PPFIA2: variants seen among roughly 807,000 people sequenced by gnomAD.
The protein encoded by PPFIA2 is PPFI scaffold protein A2, also known as liprin-alpha-2.
Under a neutral mutation model 175.5 loss-of-function variants are expected in PPFIA2, and 46 were observed. The ratio of observed to expected loss-of-function variants is 0.26; its 90% CI spans 0.21 to 0.34. The LOEUF (loss-of-function observed/expected upper bound fraction) is 0.34. Among genes scored for constraint, PPFIA2 ranks in the 10% least tolerant of loss-of-function variants. PPFIA2 has a pLI of 1.00. For synonymous variants in PPFIA2, 568 were observed against 511.4 expected (o/e 1.11, Z -1.49); for missense variants, 1,179 against 1,506.1 (o/e 0.78, Z 3.60).
chr12:81,365,528 C>T (rs532245399), intron 14 of PPFIA2, among the ~76,000 whole-genome samples: 1 of 151,792 alleles, frequency 6.6e-6, no homozygotes, highest in South Asian at 2.1e-4. Flanking sequence ...GATAACATAA[C>T]ATGCATAACA....
chr12:81,417,532 T>C (rs762822853), intron 7 of PPFIA2, among the ~76,000 whole-genome samples: 15 of 151,598 alleles, frequency 9.9e-5, no homozygotes, highest in Non-Finnish European at 1.8e-4. Flanking sequence ...TAATCAATCT[T>C]GCATATAACA....
chr12:81,605,683 CTA>C lies in PPFIA2; in HGVS notation c.303+71106_303+71107del, dbSNP rs1555519897. ...TCTATCTATCTATCTATCTATCTATCTATCTATCTAATCTGTCTATAATTTCT... is the reference window on the plus strand; with the variant it reads ...TCTATCTATCTATCTATCTATCTATCTCTATCTAATCTGTCTATAATTTCT... On this transcript the variant is annotated intron_variant, in intron 4 of 32. Coordinates refer to ENST00000549396, the MANE Select transcript of PPFIA2 (RefSeq NM_003625.5). 7.0e-3 allele frequency among the ~76,000 whole-genome samples: 1,051 copies of C among 151,212 alleles called. 12 individuals carry two copies. The highest frequency in any genetic ancestry group is 0.024 in the African/African-American group (982 of 41,382).
intron 4 of PPFIA2, among the ~76,000 whole-genome samples, chr12:81,599,256 A>G (rs2059559606): frequency 6.6e-6 from 1 of 151,974 alleles, no homozygotes; most frequent in African/African-American, 2.4e-5. Context: ...ACATAATAAA[A>G]ACCACCTACT....
intron 4 of PPFIA2, among the ~76,000 whole-genome samples, chr12:81,581,460 G>A (rs997185843): frequency 4.0e-5 from 6 of 151,572 alleles, no homozygotes; most frequent in Non-Finnish European, 7.4e-5. Flanking sequence ...AGGACTTTAC[G>A]CGCAGGTCCT....
At chr12:81,287,988 C>A (rs2043909895) in intron 24 of PPFIA2, among the ~76,000 whole-genome samples, 1 of 151,784 alleles carries the variant, frequency 6.6e-6, no homozygotes, top group African/African-American at 2.4e-5. Flanking sequence ...AATGTGCGAG[C>A]TAGAAAATGC....
intron 4 of PPFIA2, 22 bp from the exon 5 acceptor site, chr12:81,457,888 T>G: frequency 1.4e-6 from 2 of 1,473,518 alleles, no homozygotes; most frequent in South Asian, 1.3e-5. Flanking sequence ...ATAAAAATAT[T>G]TGAAGAAATA....
chr12:81,398,431 T>C (rs568535696), intron 8 of PPFIA2, among the ~76,000 whole-genome samples: 1 of 152,180 alleles, frequency 6.6e-6, no homozygotes, highest in Non-Finnish European at 1.5e-5. Context: ...TATTTTGAAA[T>C]CTATAAAATC....
At chr12:81,425,479 G>T (rs1041798136) in intron 7 of PPFIA2, among the ~76,000 whole-genome samples, 1 of 152,102 alleles carries the variant, frequency 6.6e-6, no homozygotes, top group Non-Finnish European at 1.5e-5. Flanking sequence ...CGAGTATCGG[G>T]GACTACAGGC....
At chr12:81,568,702 C>T (rs2071859945) in intron 4 of PPFIA2, among the ~76,000 whole-genome samples, 1 of 152,144 alleles carries the variant, frequency 6.6e-6, no homozygotes. Flanking sequence ...CATCCCTCCA[C>T]CTTGATATGC....
chr12:81,458,818 A>G (rs2054035262), intron 4 of PPFIA2, among the ~76,000 whole-genome samples: 1 of 152,150 alleles, frequency 6.6e-6, no homozygotes, highest in Non-Finnish European at 1.5e-5. Context: ...CCATATTATC[A>G]CCAAACCCTT....
chr12:81,280,429 G>A (rs1051027669), intron 27 of PPFIA2, among the ~76,000 whole-genome samples: 7 of 152,120 alleles, frequency 4.6e-5, no homozygotes, highest in Admixed American at 2.0e-4. Context: ...CTAATTTTAT[G>A]TCATCAACAT....
Position 81,353,339 on chromosome 12 carries a change from C to T in PPFIA2, c.1774G>A (p.Val592Met). ...CACTCGTGATCCCCAAGAGATTTCA[C>T]CTGAATGGTGAATGAAAAAATGCAG... ...RMGVRRDEPK[V>M]KSLGDHEWNR... The change falls in exon 17 of 33, where the codon GTG (valine) becomes ATG (methionine). Residue 592 changes from valine (V) to methionine (M), a missense_variant and splice_region_variant. Coordinates refer to ENST00000549396, the MANE Select transcript of PPFIA2 (RefSeq NM_003625.5). 3.7e-6 allele frequency: 6 copies of T among 1,606,548 alleles called. No individual in the cohort carries two copies. In the East Asian group the frequency reaches 6.7e-5, roughly 18 times the overall value.
At chr12:81,556,779 T>C (rs965024445) in intron 4 of PPFIA2, among the ~76,000 whole-genome samples, 57 of 151,892 alleles carry the variant, frequency 3.8e-4, no homozygotes, top group African/African-American at 1.4e-3. Context: ...ACCTGGGGGC[T>C]ACCCATTGTT....
chr12:81,659,926 T>A (rs1457064043), intron 4 of PPFIA2, among the ~76,000 whole-genome samples: 1 of 151,252 alleles, frequency 6.6e-6, no homozygotes, highest in Non-Finnish European at 1.5e-5. Context: ...GCCTCCACGC[T>A]CCAGGCAAAC....
chr12:81,533,158 A>G (rs1382112079), intron 4 of PPFIA2, among the ~76,000 whole-genome samples: 6 of 151,706 alleles, frequency 4.0e-5, no homozygotes, highest in African/African-American at 1.5e-4. Flanking sequence ...GAAATGTTTA[A>G]CCATGATGGA....
intron 7 of PPFIA2, among the ~76,000 whole-genome samples, chr12:81,407,131 A>G (rs2043076998): frequency 1.3e-5 from 2 of 152,198 alleles, no homozygotes; most frequent in South Asian, 4.1e-4. Context: ...TTATCCACAA[A>G]GCAGCCAGGT....
intron 4 of PPFIA2, among the ~76,000 whole-genome samples, chr12:81,529,427 G>C (rs1345836953): frequency 2.0e-5 from 3 of 151,644 alleles, no homozygotes; most frequent in Non-Finnish European, 4.4e-5. Flanking sequence ...TATGAGAGAA[G>C]AAAAACCCAA....
intron 7 of PPFIA2, among the ~76,000 whole-genome samples, chr12:81,415,188 AAAAAAAAAAAAAAAAAAAAAAAATATAT>A: frequency 2.7e-5 from 1 of 36,440 alleles, no homozygotes; most frequent in East Asian, 6.7e-4. Context: ...AAAAAAAAAA[AAAAAAAAAAAAAAAAAAAAAAAATATAT>A]ATATATATAT....
intron 4 of PPFIA2, among the ~76,000 whole-genome samples, chr12:81,610,540 C>T (rs2060787684): frequency 6.6e-6 from 1 of 152,130 alleles, no homozygotes; most frequent in South Asian, 2.1e-4. Context: ...TCAAATTATA[C>T]TATGAAATTC....
Sources: gnomAD v4.1 joint callset for allele counts (sites outside exome capture counted in the v4.1 genomes callset) on GRCh38, gnomAD v4.1.1 for gene constraint, MANE v1.5 for transcripts, NCBI Gene and HGNC (gene_info 2026-07-23, HGNC 2026-07-21) for gene names.